SLC2A12: variants seen among roughly 807,000 people sequenced by gnomAD.
The protein encoded by SLC2A12 is solute carrier family 2, facilitated glucose transporter member 12.
A neutral mutation model predicts 41.8 loss-of-function variants in SLC2A12; 23 were observed. The observed-to-expected ratio is 0.55, with a 90% confidence interval of 0.40 to 0.78. The LOEUF is 0.78. Ranked by LOEUF, SLC2A12 falls within the 30% of genes least tolerant of loss-of-function variation. SLC2A12 has a pLI of 0.00. For missense variants in SLC2A12, 654 were observed against 745.6 expected, an observed-to-expected ratio of 0.88 and a Z score of 1.43; for synonymous variants, 295 against 285.9, an observed-to-expected ratio of 1.03 and a Z score of -0.32.
At chr6:134,019,419 T>C (rs576150433) in intron 2 of SLC2A12, among the ~76,000 whole-genome samples, 4 of 152,338 alleles carry the variant, frequency 2.6e-5, no homozygotes, top group African/African-American at 9.6e-5. Context: ...TGATTCTACG[T>C]TGTGAAAGCT....
chr6:134,013,457 TGTTAAACA>T (rs1462354594), intron 2 of SLC2A12, among the ~76,000 whole-genome samples: 1 of 152,166 alleles, frequency 6.6e-6, no homozygotes, highest in Non-Finnish European at 1.5e-5. Flanking sequence ...TAGAAATGAT[TGTTAAACA>T]GGAAAAATGA....
intron 1 of SLC2A12, 79 bp downstream of exon 1, chr6:134,052,299 G>A (rs998074610): frequency 3.6e-6 from 2 of 550,856 alleles, no homozygotes; most frequent in East Asian, 3.1e-5. Flanking sequence ...ACACACACGG[G>A]ACTCAAGAGA....
chr6:134,051,224 C>T (rs1226720061), intron 1 of SLC2A12, among the ~76,000 whole-genome samples: 1 of 152,160 alleles, frequency 6.6e-6, no homozygotes, highest in Non-Finnish European at 1.5e-5. Context: ...CCACGCCCGG[C>T]CTCATTCTTG....
At chr6:134,005,669 A>T (rs1337445689) in intron 3 of SLC2A12, among the ~76,000 whole-genome samples, 1 of 100,366 alleles carries the variant, frequency 1.0e-5, no homozygotes, top group East Asian at 3.0e-4. Flanking sequence ...TAAAAAAAAA[A>T]AAAAAAAAAA....
chr6:134,028,544 A>G lies in SLC2A12; in HGVS notation c.1281T>C (p.Asp427=), dbSNP rs765069631. The G allele has an allele frequency of 3.7e-6, 6 of 1,614,052 alleles. No homozygotes were observed. Among genetic ancestry groups the G allele is most frequent in the Non-Finnish European group, 5.1e-6 (6 of 1,180,026 alleles). Reference sequence around the variant, plus strand: ...ATGCTGAGGTCGTCTCCCCTCTCTTATCCACATCATTTCTCAGGGGCATGA... The same window carrying G: ...ATGCTGAGGTCGTCTCCCCTCTCTTGTCCACATCATTTCTCAGGGGCATGA... ...SSLMPLRNDV[D]KRGETTSASL... The change falls in exon 2 of 5, where the codon GAT becomes GAC. Residue 427 remains aspartate (D), a synonymous_variant. Coordinates refer to ENST00000275230, the MANE Select transcript of SLC2A12 (RefSeq NM_145176.3).
chr6:134,017,375 CT>C (rs1221743753), intron 2 of SLC2A12, among the ~76,000 whole-genome samples: 3 of 152,124 alleles, frequency 2.0e-5, no homozygotes, highest in African/African-American at 7.2e-5. Context: ...GACTAGGGAG[CT>C]CCCCCTTAAT....
intron 2 of SLC2A12, among the ~76,000 whole-genome samples, chr6:134,018,376 A>G (rs989841493): frequency 2.6e-5 from 4 of 152,194 alleles, no homozygotes; most frequent in African/African-American, 9.6e-5. Context: ...AGAGAGATCA[A>G]TGGACTTGCC....
intron 2 of SLC2A12, among the ~76,000 whole-genome samples, chr6:134,019,670 G>A (rs533671813): frequency 2.0e-4 from 30 of 152,228 alleles, no homozygotes; most frequent in African/African-American, 6.5e-4. Context: ...GAACCTCTTC[G>A]GTAGGCTGGT....
At chr6:134,047,333 G>GC (rs1450484842) in intron 1 of SLC2A12, among the ~76,000 whole-genome samples, 1 of 152,018 alleles carries the variant, frequency 6.6e-6, no homozygotes, top group Non-Finnish European at 1.5e-5. Context: ...GTAATGGAGG[G>GC]CCCTTTAGAG....
At chr6:134,027,537 TG>T (rs146710335) in intron 2 of SLC2A12, among the ~76,000 whole-genome samples, 2,661 of 151,326 alleles carry the variant, frequency 0.018, 69 homozygotes, top group African/African-American at 0.06. Context: ...GGGTAGGAGG[TG>T]GGGGTAATAG....
intron 2 of SLC2A12, among the ~76,000 whole-genome samples, chr6:134,011,998 C>A (rs1037228738): frequency 2.0e-5 from 3 of 152,116 alleles, no homozygotes; most frequent in African/African-American, 7.2e-5. Flanking sequence ...GCCGAGATCA[C>A]ACCACGGCAC....
chr6:134,017,877 G>A (rs1027407541), intron 2 of SLC2A12, among the ~76,000 whole-genome samples: 7 of 150,778 alleles, frequency 4.6e-5, no homozygotes, highest in African/African-American at 1.5e-4. Flanking sequence ...AAAAAAAAAA[G>A]AAGAGTGGAC....
At chr6:134,018,969 A>T (rs1200558834) in intron 2 of SLC2A12, among the ~76,000 whole-genome samples, 2 of 152,140 alleles carry the variant, frequency 1.3e-5, no homozygotes, top group Non-Finnish European at 2.9e-5. Context: ...GAGTCCTCAG[A>T]GTTGGTAGAA....
chr6:134,003,352 T>C (rs985679531), intron 3 of SLC2A12, among the ~76,000 whole-genome samples: 1 of 152,188 alleles, frequency 6.6e-6, no homozygotes, highest in Non-Finnish European at 1.5e-5. Flanking sequence ...TCTCTGGAGC[T>C]TAAAACCAGA....
In SLC2A12 at chr6:134,029,295, A is replaced by G. The variant is rs1192087758; in HGVS notation, c.530T>C (p.Ile177Thr). Reference protein sequence around the residue: ...LVSLNELMIVIGILSAYISNY... With the variant: ...LVSLNELMIVTGILSAYISNY... The stretch of plus-strand genomic sequence containing the variant: ...TGAAATATAGGCAGAAAGAATGCCG[A>G]TGACAATCATCAGCTCATTCAGTGA... Residue 177 changes from isoleucine (I) to threonine (T), a missense_variant, in exon 2 of 5, where the codon ATC (isoleucine) becomes ACC (threonine). Around this residue, in one of 3 missense-constraint regions of SLC2A12, gnomAD observed 411 missense variants for 412.1 expected, o/e 1.00. Coordinates refer to ENST00000275230, the MANE Select transcript of SLC2A12 (RefSeq NM_145176.3). 1.4e-5 allele frequency: 23 copies of G among 1,614,264 alleles called. No homozygotes were observed. Among genetic ancestry groups the G allele is most frequent in the Non-Finnish European group, 1.9e-5 (23 of 1,180,052 alleles).
chr6:134,035,898 C>T (rs1344184746), intron 1 of SLC2A12, among the ~76,000 whole-genome samples: 1 of 152,214 alleles, frequency 6.6e-6, no homozygotes, highest in African/African-American at 2.4e-5. Flanking sequence ...AGCACAAGAG[C>T]ACCAAGGGTG....
intron 2 of SLC2A12, among the ~76,000 whole-genome samples, chr6:134,026,331 A>G (rs1777111748): frequency 6.6e-6 from 1 of 152,210 alleles, no homozygotes; most frequent in Non-Finnish European, 1.5e-5. Flanking sequence ...AAATGAGCAA[A>G]GCTTATTGTA....
intron 1 of SLC2A12, among the ~76,000 whole-genome samples, chr6:134,032,154 G>C (rs1777216948): frequency 6.6e-6 from 1 of 151,788 alleles, no homozygotes; most frequent in Non-Finnish European, 1.5e-5. Context: ...AAATACTCAA[G>C]GTATTTTCCA....
chr6:134,035,278 TC>T (rs1777281057), intron 1 of SLC2A12, among the ~76,000 whole-genome samples: 1 of 151,954 alleles, frequency 6.6e-6, no homozygotes, highest in Non-Finnish European at 1.5e-5. Context: ...AAAACAGAAT[TC>T]CTTTCCCCAA....
Sources: allele counts gnomAD v4.1 joint callset (sites outside exome capture counted in the v4.1 genomes callset), GRCh38; gene constraint gnomAD v4.1.1; regional missense constraint gnomAD v4.1.1; transcripts MANE v1.5; gene names NCBI Gene and HGNC (gene_info 2026-07-23, HGNC 2026-07-21).